CCDC9: variants seen among roughly 807,000 people sequenced by gnomAD.
CCDC9 encodes coiled-coil domain-containing protein 9.
Under a neutral mutation model 65.6 loss-of-function variants are expected in CCDC9, and 52 were observed. That is an observed-to-expected ratio of 0.79 (90% CI 0.63 to 1.00). The LOEUF (loss-of-function observed/expected upper bound fraction) is 1.00. CCDC9 is among the 50% of genes least tolerant of loss of function. The pLI, the probability that CCDC9 is intolerant of heterozygous loss-of-function variation, is 0.00. For synonymous variants in CCDC9, 332 were observed against 280.3 expected, an observed-to-expected ratio of 1.18 and a Z score of -1.84; for missense variants, 834 against 757.2, an observed-to-expected ratio of 1.10 and a Z score of -1.19.
downstream of CCDC9, chr19:47,275,045 A>C: frequency 1.3e-6 from 2 of 1,490,890 alleles, no homozygotes; most frequent in Non-Finnish European, 1.8e-6. Context: ...GCGTCTCGCT[A>C]GCTGCCGTGC....
At chr19:47,267,776 C>T (rs916499270) in intron 8 of CCDC9, among the ~76,000 whole-genome samples, 2 of 152,216 alleles carry the variant, frequency 1.3e-5, no homozygotes, top group Admixed American at 6.5e-5. Flanking sequence ...CCTTTGCATC[C>T]TCCTGCCAGC....
rs150553117 is a variant in CCDC9 at position 47,264,814 on chromosome 19, C to T, written c.588C>T (p.Asp196=). The T allele has an allele frequency of 7.8e-4, 1,216 of 1,565,950 alleles. 4 individuals are homozygous for T. The African/African-American group carries it at 0.014, about 19-fold the overall frequency. The change falls in exon 7 of 12, where the codon GAC becomes GAT. Residue 196 remains aspartate (D), a synonymous_variant. Transcript: ENST00000221922. The stretch of plus-strand genomic sequence containing the variant: ...CCAACCCAGTGCGGAACTTCCTGGA[C>T]GACCCCCGGCGACGCAGCGGGCCCC... ...LEPNPVRNFL[D]DPRRRSGPLE...
chr19:47,258,504 C>T (rs1199320719), intron 2 of CCDC9, 55 bp from the exon 3 acceptor site: 22 of 1,602,706 alleles, frequency 1.4e-5, no homozygotes, highest in Non-Finnish European at 1.8e-5. Context: ...GGGGGAAAGT[C>T]CCTGGTATGG....
chr19:47,266,716 C>T lies in CCDC9; in HGVS notation c.826C>T (p.Gln276Ter). Residue 276 changes from glutamine to a stop codon, truncating the protein, a stop_gained, in exon 8 of 12, where the codon CAG (glutamine) becomes TAG (stop). Coordinates refer to ENST00000221922, the MANE Select transcript of CCDC9 (RefSeq NM_015603.3). LOFTEE classifies it high-confidence loss of function. The stretch of plus-strand genomic sequence containing the variant: ...GAAGCAGGAGAGGGAGAAGATCGAC[C>T]AGGAGCGGCTGCAGAGGCACCGCAA... Reference protein sequence around the residue: ...RWKQEREKIDQERLQRHRKPT... With the variant: ...RWKQEREKID The T allele has an allele frequency of 6.2e-7, 1 of 1,611,972 alleles. No individual in the cohort carries two copies. Among genetic ancestry groups the T allele is most frequent in the Non-Finnish European group, 8.5e-7 (1 of 1,179,084 alleles).
chr19:47,268,340 C>A (rs1287358442), intron 8 of CCDC9, among the ~76,000 whole-genome samples: 1 of 152,156 alleles, frequency 6.6e-6, no homozygotes, highest in Non-Finnish European at 1.5e-5. Flanking sequence ...TTTACCTCAT[C>A]CCCCATTCTT....
At chr19:47,258,857 G>A (rs767547777) in intron 3 of CCDC9, among the ~76,000 whole-genome samples, 194 bp downstream of exon 3, 13 of 152,176 alleles carry the variant, frequency 8.5e-5, no homozygotes, top group Non-Finnish European at 1.8e-4. Flanking sequence ...TATTCCCCAA[G>A]ATCTTTACCA....
intron 7 of CCDC9, 33 bp downstream of exon 7, chr19:47,264,979 C>G (rs558779868): frequency 1.4e-6 from 2 of 1,425,588 alleles, no homozygotes; most frequent in African/African-American, 1.4e-5. Flanking sequence ...CCTCGGGGCT[C>G]TCAGGGCTTT....
chr19:47,262,857 G>A (rs2123455002), intron 5 of CCDC9, among the ~76,000 whole-genome samples: 1 of 152,170 alleles, frequency 6.6e-6, no homozygotes, highest in East Asian at 1.9e-4. Flanking sequence ...AAGCTAAGGT[G>A]GGAGGATCGC....
intron 1 of CCDC9, among the ~76,000 whole-genome samples, chr19:47,256,918 A>G (rs900186355): frequency 1.3e-3 from 203 of 150,858 alleles, no homozygotes; most frequent in African/African-American, 4.8e-3. Context: ...CGCCGGGCGG[A>G]AGCTCTGTGG....
downstream of CCDC9, chr19:47,275,367 C>T: frequency 6.5e-7 from 1 of 1,532,386 alleles, no homozygotes; most frequent in Non-Finnish European, 8.8e-7. Context: ...TCCACCCCAA[C>T]CCGGATCGCC....
chr19:47,258,730 CCCTT>C (rs1444699182), intron 3 of CCDC9, 67 bp downstream of exon 3: 10 of 1,222,212 alleles, frequency 8.2e-6, no homozygotes, highest in Non-Finnish European at 1.2e-5. Context: ...TCTCACCTCT[CCCTT>C]CCTTAAAACC....
downstream of CCDC9, chr19:47,275,003 G>T: frequency 6.8e-7 from 1 of 1,475,684 alleles, no homozygotes; most frequent in Non-Finnish European, 8.9e-7. Flanking sequence ...GGCGCTGGCT[G>T]CGCTTGGCTC....
chr19:47,271,743 G>A lies in CCDC9; in HGVS notation c.*65G>A, dbSNP rs1273754700. On this transcript the variant is annotated 3_prime_UTR_variant, in exon 12 of 12. Coordinates refer to ENST00000221922, the MANE Select transcript of CCDC9 (RefSeq NM_015603.3). ...TGTGTGTGTGTGTGTGCGCGCGCGC[G>A]CGCGCGCGCGCGCGCGCTAGAGGGG... is the stretch of plus-strand genomic sequence containing the variant. 1.9e-4 allele frequency: 75 copies of A among 390,064 alleles called. 2 individuals carry two copies. The highest frequency in any genetic ancestry group is 8.7e-4 in the South Asian group (10 of 11,486). The allele number at this position is 390,064 out of a possible 1,614,324, so 24.2% of individuals were successfully genotyped here. A position where few individuals can be genotyped will look rare whatever the true frequency, so the allele number is the denominator to read the frequency against.
downstream of CCDC9, chr19:47,274,905 G>C (rs1244332826): frequency 1.0e-5 from 13 of 1,287,364 alleles, no homozygotes; most frequent in African/African-American, 1.6e-5. Flanking sequence ...GCGCGGAGCC[G>C]AGTGGGCTGC....
chr19:47,262,181 A>G (rs912741861), intron 5 of CCDC9, among the ~76,000 whole-genome samples: 22 of 148,464 alleles, frequency 1.5e-4, no homozygotes, highest in Non-Finnish European at 2.7e-4. Context: ...GCCCTGCTCC[A>G]TGATGTCACT....
downstream of CCDC9, among the ~76,000 whole-genome samples, chr19:47,274,206 G>GATACCTGAAAGCGGGCTGAGA (rs1478273068): frequency 1.4e-4 from 21 of 152,232 alleles, no homozygotes; most frequent in African/African-American, 4.1e-4. Flanking sequence ...AGGTGCTGAG[G>GATACCTGAAAGCGGGCTGAGA]ATACCTGAAA....
rs2059024318 is a variant in CCDC9 at position 47,258,342 on chromosome 19, C to T, written c.-59C>T. 1.3e-6 allele frequency: 2 copies of T among 1,596,580 alleles called. No homozygotes were observed. Among genetic ancestry groups the T allele is most frequent in the Non-Finnish European group, 1.7e-6 (2 of 1,164,324 alleles). On this transcript the variant is annotated 5_prime_UTR_variant, in exon 2 of 12. Coordinates refer to ENST00000221922, the MANE Select transcript of CCDC9 (RefSeq NM_015603.3). ...CCTCTGTCCCCAGGAACCCTCAGTG[C>T]TGCGTCTAGATTCTGCAGGGGAGGT...
At chr19:47,273,581 A>G (rs1382228939), downstream of CCDC9, 2 of 412,854 alleles carry the variant, frequency 4.8e-6, no homozygotes, top group Non-Finnish European at 8.3e-6. Context: ...GGGAGGAGCC[A>G]GGGTCTGCGA....
Position 47,260,785 on chromosome 19 carries a change from T to TTCACC in CCDC9, c.416_420dup (p.Ser141ThrfsTer29). The TTCACC allele has an allele frequency of 6.2e-7, 1 of 1,612,898 alleles. No individual in the cohort carries two copies. The highest frequency in any genetic ancestry group is 8.5e-7 in the Non-Finnish European group (1 of 1,179,536). On this transcript the variant is annotated frameshift_variant, in exon 5 of 12. Transcript: ENST00000221922. LOFTEE classifies it high-confidence loss of function. ...GTGGCCGGAGGGGCCGGGGCCGAGG[T>TTCACC]TCACCTCACCTCTCTGGAGCTGGAG...
Sources: allele counts gnomAD v4.1 joint callset (sites outside exome capture counted in the v4.1 genomes callset), GRCh38; gene constraint gnomAD v4.1.1; transcripts MANE v1.5; gene names NCBI Gene and HGNC (gene_info 2026-07-23, HGNC 2026-07-21).